FGF14: variants seen among roughly 807,000 people sequenced by gnomAD.
The protein encoded by FGF14 is fibroblast growth factor 14.
FGF14 carries 5 observed loss-of-function variants against 25.5 expected under a neutral mutation model. The observed-to-expected ratio is 0.20, with a 90% CI of 0.10 to 0.41. The LOEUF is 0.41. Ranked by LOEUF, FGF14 falls within the 10% of genes least tolerant of loss-of-function variation. FGF14 has a pLI of 1.00. For missense variants in FGF14, 222 were observed against 320.1 expected, an observed-to-expected ratio of 0.69 and a Z score of 2.34; for synonymous variants, 138 against 118.3, an observed-to-expected ratio of 1.17 and a Z score of -1.08.
At chr13:101,724,483 C>T (rs1288154559) in intron 4 of FGF14, among the ~76,000 whole-genome samples, 1 of 151,250 alleles carries the variant, frequency 6.6e-6, no homozygotes, top group Non-Finnish European at 1.5e-5. Flanking sequence ...AGGAGATATA[C>T]CTAATGTAAA....
intron 1 of FGF14, among the ~76,000 whole-genome samples, chr13:102,341,051 C>T (rs187071921): frequency 9.9e-5 from 15 of 152,044 alleles, no homozygotes; most frequent in Admixed American, 8.5e-4. Context: ...TGAGAAGCTT[C>T]AAGGAGGAGG....
chr13:101,714,670 T>C lies in FGF14; in HGVS notation c.*8161A>G. On this transcript the variant is annotated 3_prime_UTR_variant, in exon 5 of 5. Coordinates refer to ENST00000376143, the MANE Select transcript of FGF14 (RefSeq NM_004115.4). Reference sequence around the variant, plus strand: ...CAGGGCCAACCGTGAATATGAAATATCTACCAAAGGCGAAGTGGGCATTTG... The same window carrying C: ...CAGGGCCAACCGTGAATATGAAATACCTACCAAAGGCGAAGTGGGCATTTG... The C allele has an allele frequency of 1.5e-6, 1 of 679,296 alleles. No individual in the cohort carries two copies. The highest frequency in any genetic ancestry group is 2.7e-6 in the Non-Finnish European group (1 of 376,340). The allele number at this position is 679,296 out of a possible 1,614,324, so 42.1% of individuals were successfully genotyped here.
chr13:101,837,310 A>C (rs1191138402), intron 3 of FGF14, among the ~76,000 whole-genome samples: 1 of 152,032 alleles, frequency 6.6e-6, no homozygotes, highest in Non-Finnish European at 1.5e-5. Context: ...TGGCCTAACT[A>C]AAAAAATGTA....
At position 101,716,802 on chromosome 13, in the gene FGF14, A is replaced by AT; in HGVS notation, c.*6028_*6029insA. On this transcript the variant is annotated 3_prime_UTR_variant, in exon 5 of 5. Coordinates refer to ENST00000376143, the MANE Select transcript of FGF14 (RefSeq NM_004115.4). ...AGCTCACAAAAGACCAAAAAAAAAA[A>AT]AAAATCTAGAAATGGCTTAAATAGA... The AT allele has an allele frequency of 6.6e-6, 1 of 151,926 alleles. No homozygotes were observed. Among genetic ancestry groups the AT allele is most frequent in the African/African-American group, 2.4e-5 (1 of 41,454 alleles). 9.4% of individuals were successfully genotyped at this position (151,926 alleles called of 1,614,324 possible). A position where few individuals can be genotyped will look rare whatever the true frequency, so the allele number is the denominator to read the frequency against.
At chr13:102,384,819 T>G (rs1355247282) in intron 1 of FGF14, among the ~76,000 whole-genome samples, 1 of 152,200 alleles carries the variant, frequency 6.6e-6, no homozygotes, top group Non-Finnish European at 1.5e-5. Flanking sequence ...AAGGAAGTCT[T>G]GGAATCAAAA....
At chr13:101,806,232 C>T (rs1448577366) in intron 3 of FGF14, among the ~76,000 whole-genome samples, 1 of 151,576 alleles carries the variant, frequency 6.6e-6, no homozygotes, top group Non-Finnish European at 1.5e-5. Flanking sequence ...CCAGCCTGGC[C>T]AACGTGATGA....
chr13:101,815,105 G>A (rs2140205144), intron 3 of FGF14, among the ~76,000 whole-genome samples: 1 of 152,330 alleles, frequency 6.6e-6, no homozygotes, highest in South Asian at 2.1e-4. Flanking sequence ...CCACAAGAGG[G>A]TTAGAGGAAG....
intron 1 of FGF14, among the ~76,000 whole-genome samples, chr13:102,090,123 T>C (rs1243775909): frequency 6.6e-6 from 1 of 152,214 alleles, no homozygotes; most frequent in Non-Finnish European, 1.5e-5. Flanking sequence ...ATGGACCAAT[T>C]TGAAAATTAT....
At chr13:102,126,880 G>C (rs2045971122) in intron 1 of FGF14, among the ~76,000 whole-genome samples, 1 of 152,064 alleles carries the variant, frequency 6.6e-6, no homozygotes. Context: ...GTGGTAGACG[G>C]GATTGGCAGG....
At chr13:102,090,169 T>C (rs938775122) in intron 1 of FGF14, among the ~76,000 whole-genome samples, 10 of 152,258 alleles carry the variant, frequency 6.6e-5, no homozygotes, top group African/African-American at 2.2e-4. Context: ...CACATACTCA[T>C]TGAATATATA....
At chr13:102,159,220 C>G (rs1376640177) in intron 1 of FGF14, among the ~76,000 whole-genome samples, 1 of 150,846 alleles carries the variant, frequency 6.6e-6, no homozygotes, top group Non-Finnish European at 1.5e-5. Context: ...GAAAAACTAG[C>G]TGTAATAGAA....
At chr13:101,985,397 A>C (rs2038516195) in intron 1 of FGF14, among the ~76,000 whole-genome samples, 1 of 152,084 alleles carries the variant, frequency 6.6e-6, no homozygotes, top group South Asian at 2.1e-4. Context: ...ATAACTACTA[A>C]AAATAAAAAA....
At chr13:102,093,704 G>A (rs1402814511) in intron 1 of FGF14, among the ~76,000 whole-genome samples, 1 of 151,758 alleles carries the variant, frequency 6.6e-6, no homozygotes, top group Non-Finnish European at 1.5e-5. Context: ...GCAGAGAAAA[G>A]TCATGACATT....
At chr13:101,791,571 T>C (rs532352094) in intron 3 of FGF14, among the ~76,000 whole-genome samples, 1 of 152,214 alleles carries the variant, frequency 6.6e-6, no homozygotes, top group Admixed American at 6.6e-5. Flanking sequence ...AATACTTCCT[T>C]ACAAGCAAGG....
At chr13:101,916,320 C>T in intron 1 of FGF14, 133 bp downstream of exon 1, 3 of 1,110,722 alleles carry the variant, frequency 2.7e-6, no homozygotes, top group Admixed American at 3.8e-5. Context: ...CGACGGCACC[C>T]AGAGTGCTCA....
intron 1 of FGF14, among the ~76,000 whole-genome samples, chr13:102,060,918 AAGAAGAACACACCAGC>A (rs1341394296): frequency 2.0e-5 from 3 of 152,162 alleles, no homozygotes; most frequent in Admixed American, 6.5e-5. Context: ...GCCAGATGTC[AAGAAGAACACACCAGC>A]AGAAGAACAC....
At chr13:102,179,347 C>A (rs2048574575) in intron 1 of FGF14, among the ~76,000 whole-genome samples, 1 of 152,114 alleles carries the variant, frequency 6.6e-6, no homozygotes. Flanking sequence ...ACTTCGTTCA[C>A]TCCTGGTTCA....
intron 3 of FGF14, among the ~76,000 whole-genome samples, chr13:101,746,819 C>A (rs2036922729): frequency 6.6e-6 from 1 of 151,872 alleles, no homozygotes; most frequent in Admixed American, 6.6e-5. Context: ...ATGGGAAACC[C>A]CTTAAAATTA....
intron 1 of FGF14, among the ~76,000 whole-genome samples, chr13:102,382,018 T>C (rs1434856956): frequency 6.6e-6 from 1 of 152,112 alleles, no homozygotes; most frequent in East Asian, 1.9e-4. Flanking sequence ...CAGACCTATA[T>C]AAGGGCTAAA....
Sources: allele counts gnomAD v4.1 joint callset (sites outside exome capture counted in the v4.1 genomes callset), GRCh38; gene constraint gnomAD v4.1.1; transcripts MANE v1.5; gene names NCBI Gene and HGNC (gene_info 2026-07-23, HGNC 2026-07-21).